Variants in ZFAND4 observed in about 807,000 individuals in gnomAD.
The protein encoded by ZFAND4 is zinc finger AN1-type containing 4.
ZFAND4 carries 43 observed loss-of-function variants against 64.4 expected under a neutral mutation model. That is an observed-to-expected ratio of 0.67 (90% CI 0.52 to 0.86). ZFAND4 has a LOEUF of 0.86. ZFAND4 is among the 40% of genes least tolerant of loss of function. ZFAND4 has a pLI of 0.00. For synonymous variants in ZFAND4, 296 were observed against 305.7 expected (o/e 0.97, Z 0.33); for missense variants, 929 against 859.8 (o/e 1.08, Z -1.01).
chr10:45,653,593 C>T (rs2047903701), intron 2 of ZFAND4, among the ~76,000 whole-genome samples: 1 of 152,074 alleles, frequency 6.6e-6, no homozygotes, highest in Non-Finnish European at 1.5e-5. Flanking sequence ...AATCATTAGA[C>T]AAATGTAAAT....
At chr10:45,629,921 A>T (rs1040389092) in intron 6 of ZFAND4, among the ~76,000 whole-genome samples, 1 of 152,120 alleles carries the variant, frequency 6.6e-6, no homozygotes, top group African/African-American at 2.4e-5. Context: ...TCACTGATTT[A>T]AAAAACCTGC....
At chr10:45,648,035 C>T (rs1346579109) in intron 5 of ZFAND4, among the ~76,000 whole-genome samples, 1 of 152,088 alleles carries the variant, frequency 6.6e-6, no homozygotes, top group Non-Finnish European at 1.5e-5. Flanking sequence ...TTCTATTATG[C>T]TAAGGTTGTA....
At position 45,626,825 on chromosome 10, in the gene ZFAND4, C is replaced by T. The variant is rs993192615; in HGVS notation, c.998G>A (p.Ser333Asn). ...TATCTGAGGAGGTAGTTTGACGTTG[C>T]TACTGAAGTGAGACAGTGTGTTATT... ...WENNTLSHFSSNVKLPPQIPH... is the reference protein window; with the variant it reads ...WENNTLSHFSNNVKLPPQIPH... The change falls in exon 7 of 10, where the codon AGC (serine) becomes AAC (asparagine). Residue 333 changes from serine (S) to asparagine (N), a missense_variant. Transcript: ENST00000344646. 1.9e-6 allele frequency: 3 copies of T among 1,614,080 alleles called. No individual in the cohort carries two copies. In the East Asian group the frequency reaches 6.7e-5, roughly 36 times the overall value.
At position 45,626,617 on chromosome 10, in the gene ZFAND4, A is replaced by C. The variant is rs772615401; in HGVS notation, c.1206T>G (p.Ala402=). ...QSLLPKVGSL[A]SFAEGNADEQ... ...CATCAGCATTTCCTTCTGCAAATGA[A>C]GCCAGTGAGCCCACTTTAGGTAGAA... The change falls in exon 7 of 10, where the codon GCT becomes GCG. Residue 402 remains alanine (A), a synonymous_variant. Transcript: ENST00000344646. 1.9e-6 allele frequency: 3 copies of C among 1,614,110 alleles called. No homozygotes were observed. The African/African-American group carries it at 4.0e-5, about 22-fold the overall frequency.
At chr10:45,623,392 A>G (rs1297270122) in intron 8 of ZFAND4, among the ~76,000 whole-genome samples, 1 of 152,224 alleles carries the variant, frequency 6.6e-6, no homozygotes, top group Non-Finnish European at 1.5e-5. Flanking sequence ...AGATGAATGG[A>G]TAAGCAAAAT....
chr10:45,618,572 T>G (rs1341101973), intron 8 of ZFAND4, among the ~76,000 whole-genome samples: 1 of 152,172 alleles, frequency 6.6e-6, no homozygotes, highest in Non-Finnish European at 1.5e-5. Context: ...TGACAGAGAA[T>G]AAAGAAAAAT....
intron 2 of ZFAND4, 42 bp from the exon 3 acceptor site, chr10:45,653,101 T>C (rs1373477721): frequency 3.6e-6 from 5 of 1,378,414 alleles, no homozygotes; most frequent in Non-Finnish European, 5.1e-6. Context: ...AAGAATTCAA[T>C]AGCATCTCCA....
chr10:45,628,601 G>A (rs972711317), intron 6 of ZFAND4, among the ~76,000 whole-genome samples: 1 of 152,066 alleles, frequency 6.6e-6, no homozygotes, highest in Non-Finnish European at 1.5e-5. Context: ...GAGCCACCAC[G>A]CCTGGCCCAA....
chr10:45,641,077 A>G (rs949365571), intron 5 of ZFAND4, among the ~76,000 whole-genome samples: 5 of 152,190 alleles, frequency 3.3e-5, no homozygotes, highest in African/African-American at 1.2e-4. Context: ...TTATTCTCCC[A>G]CATGTAAGCA....
At chr10:45,671,775 T>C (rs1783496121) in intron 1 of ZFAND4, among the ~76,000 whole-genome samples, 1 of 151,268 alleles carries the variant, frequency 6.6e-6, no homozygotes, top group African/African-American at 2.4e-5. Context: ...GGCACATGTA[T>C]AGCTATGTAC....
chr10:45,626,755 AAC>A lies in ZFAND4; in HGVS notation c.1066_1067del (p.Val356SerfsTer9). ...LGNDQELADS[V>X]LHLGSSLPRQ... ...TAGGCAGGGATGATCCAAGATGGAG[AAC>A]AGAGTCAGCAAGCTCCTGGTCATTT... On this transcript the variant is annotated frameshift_variant, in exon 7 of 10. Transcript: ENST00000344646. LOFTEE classifies it high-confidence loss of function. 1.2e-6 allele frequency: 2 copies of A among 1,614,226 alleles called. No individual in the cohort carries two copies. Among genetic ancestry groups the A allele is most frequent in the South Asian group, 2.2e-5 (2 of 91,088 alleles).
At chr10:45,635,229 C>CA (rs1216684562) in intron 6 of ZFAND4, among the ~76,000 whole-genome samples, 16 of 110,038 alleles carry the variant, frequency 1.5e-4, no homozygotes, top group African/African-American at 3.1e-4. Flanking sequence ...AAAAAACAAA[C>CA]AAAAAAAAAC....
intron 9 of ZFAND4, among the ~76,000 whole-genome samples, chr10:45,616,934 C>T (rs1488147605): frequency 6.6e-6 from 1 of 152,002 alleles, no homozygotes; most frequent in Non-Finnish European, 1.5e-5. Context: ...CAAAAATTAG[C>T]TGGGTGTGGT....
chr10:45,667,938 A>G (rs556904430), intron 1 of ZFAND4, among the ~76,000 whole-genome samples: 1 of 152,364 alleles, frequency 6.6e-6, no homozygotes, highest in South Asian at 2.1e-4. Flanking sequence ...TATAAGGTTG[A>G]CGAGCTTCCC....
At chr10:45,621,226 A>C (rs1214497333) in intron 8 of ZFAND4, among the ~76,000 whole-genome samples, 1 of 152,164 alleles carries the variant, frequency 6.6e-6, no homozygotes, top group Non-Finnish European at 1.5e-5. Flanking sequence ...CAATGGAGGA[A>C]TTTAGGAAGT....
chr10:45,656,501 C>CAAAAAAAAAAAAAAAAAAAAAA (rs541781976), intron 2 of ZFAND4, among the ~76,000 whole-genome samples: 2 of 24,708 alleles, frequency 8.1e-5, no homozygotes, highest in African/African-American at 3.9e-4. Context: ...GAACCTGTCT[C>CAAAAAAAAAAAAAAAAAAAAAA]AAAAAAAAAA....
chr10:45,631,351 A>C (rs1306600844), intron 6 of ZFAND4, among the ~76,000 whole-genome samples: 1 of 151,208 alleles, frequency 6.6e-6, no homozygotes, highest in East Asian at 1.9e-4. Context: ...GAAAACAAAC[A>C]AAAAAACAAA....
chr10:45,630,852 G>T (rs914483127), intron 6 of ZFAND4, among the ~76,000 whole-genome samples: 12 of 151,610 alleles, frequency 7.9e-5, no homozygotes, highest in African/African-American at 2.9e-4. Context: ...GGCAGAGGGG[G>T]TATCTCATGC....
intron 5 of ZFAND4, among the ~76,000 whole-genome samples, chr10:45,640,783 C>T (rs1020934353): frequency 6.6e-6 from 1 of 152,130 alleles, no homozygotes; most frequent in Non-Finnish European, 1.5e-5. Context: ...AGCCACCGCG[C>T]CCAGCCAATA....
Sources: gnomAD v4.1 joint callset for allele counts (sites outside exome capture counted in the v4.1 genomes callset) on GRCh38, gnomAD v4.1.1 for gene constraint, MANE v1.5 for transcripts, NCBI Gene and HGNC (gene_info 2026-07-23, HGNC 2026-07-21) for gene names.